Variants in GLIS3 observed in about 807,000 individuals in gnomAD.
The protein encoded by GLIS3 is zinc finger protein GLIS3.
In GLIS3, 53 loss-of-function variants were observed where a neutral mutation model predicts 78.6. The ratio of observed to expected loss-of-function variants is 0.67; its 90% CI spans 0.54 to 0.85. The LOEUF (loss-of-function observed/expected upper bound fraction) is 0.85, where lower values mean the gene tolerates loss of function less well. GLIS3 is among the 40% of genes least tolerant of loss of function. The pLI is 0.00. For synonymous variants in GLIS3, 684 were observed against 509.9 expected (o/e 1.34, Z -4.60); for missense variants, 1,703 against 1,231.1 (o/e 1.38, Z -5.74).
At chr9:4,201,944 T>C (rs1302816634) in intron 2 of GLIS3, among the ~76,000 whole-genome samples, 2 of 152,064 alleles carry the variant, frequency 1.3e-5, no homozygotes, top group African/African-American at 2.4e-5. Flanking sequence ...GAGACCAGCC[T>C]GGCCAGTGTA....
the GLIS3 span, among the ~76,000 whole-genome samples, chr9:4,450,802 A>G: frequency 6.6e-6 from 1 of 152,254 alleles, no homozygotes; most frequent in Non-Finnish European, 1.5e-5. Context: ...AAATGCTGAG[A>G]GATTTTGTCA....
chr9:3,849,948 C>A (rs1003905258), intron 9 of GLIS3, among the ~76,000 whole-genome samples: 1 of 151,814 alleles, frequency 6.6e-6, no homozygotes, highest in African/African-American at 2.4e-5. Context: ...GAAGAGTAAA[C>A]TGCACACTGG....
chr9:4,213,988 A>G (rs1354762906), intron 2 of GLIS3, among the ~76,000 whole-genome samples: 4 of 152,032 alleles, frequency 2.6e-5, no homozygotes, highest in African/African-American at 9.7e-5. Context: ...TCAGAGACAG[A>G]CAGGTTATTA....
At chr9:4,430,166 G>C in the GLIS3 span, among the ~76,000 whole-genome samples, 1 of 152,188 alleles carries the variant, frequency 6.6e-6, no homozygotes. Context: ...CCCGGGCTAA[G>C]ATAAGAGAGG....
At chr9:4,403,820 A>C in the GLIS3 span, among the ~76,000 whole-genome samples, 111,551 of 151,860 alleles carry the variant, frequency 0.73, 41,141 homozygotes, top group South Asian at 0.82. Context: ...GAAGAGAACA[A>C]TGCAAAACAA....
chr9:4,428,192 A>AATG, the GLIS3 span, among the ~76,000 whole-genome samples: 7 of 151,904 alleles, frequency 4.6e-5, no homozygotes, highest in African/African-American at 1.7e-4. Flanking sequence ...TAATAATAAT[A>AATG]ATAAGGCCAG....
intron 4 of GLIS3, among the ~76,000 whole-genome samples, chr9:4,039,479 G>A (rs1563975684): frequency 6.6e-6 from 1 of 152,012 alleles, no homozygotes; most frequent in Non-Finnish European, 1.5e-5. Flanking sequence ...TGCTCTGATG[G>A]GTCTCCAGCC....
intron 4 of GLIS3, among the ~76,000 whole-genome samples, chr9:4,111,531 T>C (rs1197368173): frequency 1.3e-5 from 2 of 152,222 alleles, no homozygotes; most frequent in African/African-American, 4.8e-5. Flanking sequence ...AACTGTGTTT[T>C]GGGATATGAA....
rs950421879 is a variant in GLIS3 at position 3,826,707 on chromosome 9, A to C, written c.*1565T>G. ...GACTGGAAGGACCTGTCAGTATACA[A>C]ACTGTCACAGAATCCCATCTAACAT... On this transcript the variant is annotated 3_prime_UTR_variant, in exon 11 of 11. Transcript: ENST00000381971. 6.6e-6 allele frequency: 1 copy of C among 152,206 alleles called. No individual in the cohort carries two copies. The highest frequency in any genetic ancestry group is 2.4e-5 in the African/African-American group (1 of 41,450). 9.4% of individuals were successfully genotyped at this position (152,206 alleles called of 1,614,324 possible).
intron 2 of GLIS3, among the ~76,000 whole-genome samples, chr9:4,248,008 G>A (rs1039089445): frequency 2.6e-4 from 39 of 152,054 alleles, no homozygotes; most frequent in African/African-American, 8.9e-4. Context: ...CTGAAACTCT[G>A]TACCCTTGGA....
intron 8 of GLIS3, among the ~76,000 whole-genome samples, chr9:3,879,070 G>A (rs1055809116): frequency 7.2e-5 from 11 of 152,014 alleles, no homozygotes; most frequent in Non-Finnish European, 8.8e-5. Context: ...TTTATGTGGC[G>A]AGGGCACCAT....
intron 4 of GLIS3, among the ~76,000 whole-genome samples, chr9:4,083,752 G>T (rs1318530271): frequency 1.3e-5 from 2 of 152,174 alleles, no homozygotes; most frequent in Non-Finnish European, 2.9e-5. Flanking sequence ...ATCCACTGCA[G>T]AAAGTGCAAG....
At chr9:4,191,438 C>A (rs1180164287) in intron 2 of GLIS3, among the ~76,000 whole-genome samples, 1 of 152,156 alleles carries the variant, frequency 6.6e-6, no homozygotes, top group Non-Finnish European at 1.5e-5. Context: ...ACCTCATCTG[C>A]AAGAGGGGAA....
the GLIS3 span, among the ~76,000 whole-genome samples, chr9:4,354,010 G>A: frequency 2.3e-5 from 2 of 85,574 alleles, no homozygotes; most frequent in East Asian, 7.1e-4. Context: ...TTTTTTTTTT[G>A]TATTTTTAGT....
intron 2 of GLIS3, among the ~76,000 whole-genome samples, chr9:4,163,740 C>G (rs77941178): frequency 6.6e-6 from 1 of 152,186 alleles, no homozygotes; most frequent in East Asian, 1.9e-4. Flanking sequence ...TAGTATCTCA[C>G]AGGATTCTTG....
intron 7 of GLIS3, among the ~76,000 whole-genome samples, chr9:3,893,847 A>G (rs1184054190): frequency 1.3e-5 from 2 of 152,142 alleles, no homozygotes; most frequent in Non-Finnish European, 2.9e-5. Flanking sequence ...TTTTCACAAG[A>G]TTTCCAGGTG....
chr9:4,295,561 A>T (rs186884283), intron 1 of GLIS3, among the ~76,000 whole-genome samples: 21 of 152,110 alleles, frequency 1.4e-4, no homozygotes, highest in South Asian at 4.2e-4. Context: ...GATTTTTTTT[A>T]AAAAAACCAG....
In GLIS3 at chr9:4,092,221, G is replaced by A. The variant is rs570488880; in HGVS notation, c.1710+25547C>T. Among the ~76,000 whole-genome samples the A allele has an allele frequency of 2.9e-3, 436 of 148,162 alleles. 3 individuals are homozygous for A. The highest frequency in any genetic ancestry group is 4.2e-3 in the Non-Finnish European group (286 of 67,546). On this transcript the variant is annotated intron_variant, in intron 4 of 10. Transcript: ENST00000381971. ...GACTGGAGTGGAGTGGCGCAGTCTC[G>A]GCTCACTGCAAGCCTCGCCTCCTGG...
intron 6 of GLIS3, among the ~76,000 whole-genome samples, chr9:3,926,910 C>T (rs1825296183): frequency 6.6e-6 from 1 of 152,228 alleles, no homozygotes; most frequent in Admixed American, 6.5e-5. Context: ...CAGGCGTGAG[C>T]CATTGGGCCT....
Sources: allele counts gnomAD v4.1 joint callset (sites outside exome capture counted in the v4.1 genomes callset), GRCh38; gene constraint gnomAD v4.1.1; transcripts MANE v1.5; gene names NCBI Gene and HGNC (gene_info 2026-07-23, HGNC 2026-07-21).